SOX6: variants seen among roughly 807,000 people sequenced by gnomAD.
SOX6 encodes the protein SRY-box transcription factor 6, also known as transcription factor SOX-6.
In SOX6, 11 loss-of-function variants were observed where a neutral mutation model predicts 97.8. The ratio of observed to expected loss-of-function variants is 0.11; its 90% CI spans 0.07 to 0.19. The LOEUF is 0.19. Among genes scored for constraint, SOX6 ranks in the 10% least tolerant of loss-of-function variants. SOX6 has a pLI of 1.00. For missense variants in SOX6, 810 were observed against 1,039.5 expected (o/e 0.78, Z 3.04); for synonymous variants, 360 against 371.4 (o/e 0.97, Z 0.35).
chr11:16,225,642 G>T (rs1414609075), intron 4 of SOX6, among the ~76,000 whole-genome samples: 1 of 152,066 alleles, frequency 6.6e-6, no homozygotes, highest in Non-Finnish European at 1.5e-5. Context: ...TAATTCTATG[G>T]GAATGCTGTT....
At chr11:16,092,209 C>T (rs1251754960) in intron 9 of SOX6, among the ~76,000 whole-genome samples, 1 of 151,802 alleles carries the variant, frequency 6.6e-6, no homozygotes, top group East Asian at 1.9e-4. Flanking sequence ...TATACTGAGC[C>T]CCATCCTTCA....
At chr11:16,061,920 G>A (rs2079653500) in intron 9 of SOX6, among the ~76,000 whole-genome samples, 1 of 151,834 alleles carries the variant, frequency 6.6e-6, no homozygotes, top group East Asian at 1.9e-4. Context: ...ATAAATGTAA[G>A]ACTGAAACTA....
intron 12 of SOX6, among the ~76,000 whole-genome samples, chr11:16,019,339 GGTACTTTACTAACCTTTATTCAAAAGC>G (rs1854983802): frequency 1.3e-5 from 2 of 152,066 alleles, no homozygotes; most frequent in African/African-American, 4.8e-5. Flanking sequence ...CTGAATGAGA[GGTACTTTACTAACCTTTATTCAAAAGC>G]TCATTTCTAA....
intron 3 of SOX6, among the ~76,000 whole-genome samples, chr11:16,696,885 T>C (rs1037613644): frequency 1.2e-4 from 18 of 152,226 alleles, no homozygotes; most frequent in Non-Finnish European, 2.1e-4. Context: ...TGCTATCTGA[T>C]AGCATTTTAA....
intron 3 of SOX6, among the ~76,000 whole-genome samples, chr11:16,635,520 A>C (rs1239477072): frequency 6.6e-6 from 1 of 152,214 alleles, no homozygotes; most frequent in Non-Finnish European, 1.5e-5. Context: ...ACAGAGCATT[A>C]AAGTGTGGAA....
At chr11:16,368,939 C>A (rs917304816) in intron 1 of SOX6, among the ~76,000 whole-genome samples, 1 of 152,032 alleles carries the variant, frequency 6.6e-6, no homozygotes, top group Admixed American at 6.6e-5. Context: ...GATATTTCTC[C>A]AAAGTATGTA....
intron 12 of SOX6, among the ~76,000 whole-genome samples, chr11:16,045,013 C>T (rs990934000): frequency 2.0e-5 from 3 of 151,646 alleles, no homozygotes; most frequent in Non-Finnish European, 2.9e-5. Flanking sequence ...CTATCTTAAC[C>T]TCATCTCTCA....
At chr11:16,239,437 T>C (rs2134182784) in intron 3 of SOX6, among the ~76,000 whole-genome samples, 1 of 151,946 alleles carries the variant, frequency 6.6e-6, no homozygotes, top group Admixed American at 6.6e-5. Context: ...CGGAGTGGGT[T>C]TTTCAGACTA....
rs139472341 is a variant in SOX6 at position 16,708,304 on chromosome 11, A to C, written n.429+6526T>G. Among the ~76,000 whole-genome samples the C allele has an allele frequency of 4.2e-3, 646 of 152,304 alleles. 2 individuals carry two copies. The highest frequency in any genetic ancestry group is 0.014 in the African/African-American group (578 of 41,570). On this transcript the variant is annotated intron_variant and non_coding_transcript_variant, in intron 3 of 5. Coordinates refer to the SOX6 transcript ENST00000524520. Reference sequence around the variant, plus strand: ...GAAATATATGTGCCTTAGATGTATAAGCTCAATATGAAATAAAGATTTGAC... The same window carrying C: ...GAAATATATGTGCCTTAGATGTATACGCTCAATATGAAATAAAGATTTGAC...
At chr11:16,387,319 T>C (rs995609170) in intron 1 of SOX6, among the ~76,000 whole-genome samples, 5 of 152,112 alleles carry the variant, frequency 3.3e-5, no homozygotes, top group African/African-American at 9.7e-5. Context: ...CATTGTGGCA[T>C]TGAAACCACT....
intron 3 of SOX6, among the ~76,000 whole-genome samples, chr11:16,701,106 A>T (rs1030555299): frequency 2.2e-4 from 33 of 152,214 alleles, no homozygotes; most frequent in Non-Finnish European, 4.0e-4. Context: ...CTTCTTAATT[A>T]TTAAAAGATT....
chr11:16,226,860 T>G lies in SOX6; in HGVS notation c.535+7722A>C, dbSNP rs1302417799. ...TACATAGAAAAGGGTAAAAGTGGAG[T>G]TATTTTAGTTGTTTGTGGGTTGCGG... On this transcript the variant is annotated intron_variant, in intron 4 of 15. Transcript: ENST00000683767. Among the ~76,000 whole-genome samples the G allele has an allele frequency of 2.0e-5, 3 of 152,050 alleles. No homozygotes were observed. In the East Asian group the frequency reaches 5.8e-4, roughly 29 times the overall value.
At chr11:16,338,532 G>A (rs1035870490) in intron 2 of SOX6, among the ~76,000 whole-genome samples, 11 of 152,076 alleles carry the variant, frequency 7.2e-5, no homozygotes, top group Middle Eastern at 3.4e-3. Context: ...GAAGCACAAA[G>A]GGAATTTCCA....
chr11:16,658,235 G>A lies in SOX6; in HGVS notation n.430-45975C>T, dbSNP rs556050106. On this transcript the variant is annotated intron_variant and non_coding_transcript_variant, in intron 3 of 5. Coordinates refer to the SOX6 transcript ENST00000524520. ...AACTGTGGTTCTACCTGGTATTTCC[G>A]TGATTACCAGTGAGACAGAGCATCT... Among the ~76,000 whole-genome samples, 12 of 152,222 alleles carry A rather than the reference G, an allele frequency of 7.9e-5. No individual in the cohort carries two copies. The East Asian group carries it at 1.5e-3, about 20-fold the overall frequency.
At chr11:16,361,012 A>AGAAG (rs11441530), upstream of SOX6, among the ~76,000 whole-genome samples, 6 of 149,500 alleles carry the variant, frequency 4.0e-5, no homozygotes, top group African/African-American at 9.9e-5. Flanking sequence ...CAAAAAAAAA[A>AGAAG]AAGAAGAAGA....
intron 6 of SOX6, among the ~76,000 whole-genome samples, chr11:16,136,209 G>A (rs1486611379): frequency 4.6e-5 from 7 of 151,776 alleles, no homozygotes; most frequent in Non-Finnish European, 8.8e-5. Flanking sequence ...TAGTAGAGAC[G>A]GGGTTTCACC....
At chr11:16,159,864 A>C (rs991643171) in intron 6 of SOX6, among the ~76,000 whole-genome samples, 3 of 152,144 alleles carry the variant, frequency 2.0e-5, no homozygotes, top group Non-Finnish European at 2.9e-5. Context: ...ATGTATGTAA[A>C]GTGGCAGAAT....
At chr11:16,698,213 T>C (rs965943566) in intron 3 of SOX6, among the ~76,000 whole-genome samples, 1 of 152,238 alleles carries the variant, frequency 6.6e-6, no homozygotes, top group South Asian at 2.1e-4. Flanking sequence ...ACCTTCATCA[T>C]GATCTTAGCT....
intron 3 of SOX6, among the ~76,000 whole-genome samples, chr11:16,255,084 A>C (rs1236143065): frequency 6.6e-6 from 1 of 152,012 alleles, no homozygotes; most frequent in East Asian, 1.9e-4. Context: ...TCCTTACTAT[A>C]TATACACCTA....
Sources: gnomAD v4.1 joint callset for allele counts (sites outside exome capture counted in the v4.1 genomes callset) on GRCh38, gnomAD v4.1.1 for gene constraint, MANE v1.5 for transcripts, NCBI Gene and HGNC (gene_info 2026-07-23, HGNC 2026-07-21) for gene names.